DUS4L: variants seen among roughly 807,000 people sequenced by gnomAD.
The protein encoded by DUS4L is tRNA-dihydrouridine(20a/20b) synthase [NAD(P)+]-like.
DUS4L carries 31 observed loss-of-function variants against 33.8 expected under a neutral mutation model. The ratio of observed to expected loss-of-function variants is 0.92; its 90% CI spans 0.69 to 1.24. The LOEUF (loss-of-function observed/expected upper bound fraction) is 1.24, where lower values mean the gene tolerates loss of function less well. Ranked by LOEUF, DUS4L falls within the 50% of genes most tolerant of loss-of-function variation. The probability of loss-of-function intolerance (pLI) is 0.00; values close to 1 mark genes in which losing one functional copy is unlikely to be tolerated. For synonymous variants in DUS4L, 103 were observed against 120.3 expected, an observed-to-expected ratio of 0.86 and a Z score of 0.94; for missense variants, 368 against 388.6, an observed-to-expected ratio of 0.95 and a Z score of 0.45.
rs1265957921 is a variant in DUS4L, at chr7:107,576,362, G to T, written c.480-4G>T. 1.9e-6 allele frequency: 3 copies of T among 1,601,120 alleles called. No individual in the cohort carries two copies. The highest frequency in any genetic ancestry group is 2.5e-6 in the Non-Finnish European group (3 of 1,176,882). ...AACAGATAAATGTAATTTTGAAATT[G>T]TAGGATCCATGATGACCTTAAAAGA... On this transcript the variant is annotated splice_region_variant and splice_polypyrimidine_tract_variant and intron_variant, in intron 6 of 7. Coordinates refer to ENST00000265720, the MANE Select transcript of DUS4L (RefSeq NM_181581.3).
intron 3 of DUS4L, among the ~76,000 whole-genome samples, chr7:107,568,903 T>C (rs1230867236): frequency 1.3e-5 from 2 of 152,254 alleles, no homozygotes; most frequent in East Asian, 1.9e-4. Flanking sequence ...AGCATCATTT[T>C]TGAAAGGCTA....
rs1276598445 is a variant in DUS4L, at chr7:107,577,475, C to T, written c.869C>T (p.Thr290Ile). 19 of 1,614,154 alleles carry T rather than the reference C, an allele frequency of 1.2e-5. No homozygotes were observed. Among genetic ancestry groups the T allele is most frequent in the Non-Finnish European group, 1.5e-5 (18 of 1,180,036 alleles). Residue 290 changes from threonine (T) to isoleucine (I), a missense_variant, in exon 8 of 8, where the codon ACT (threonine) becomes ATT (isoleucine). Physicochemically the swap from Thr to Ile is moderately conservative, Grantham distance 89. Transcript: ENST00000265720. The part of the protein sequence containing the change: ...QHLMYMMEKI[T>I]SRQEKRVFNA... ...TTAATGTACATGATGGAAAAGATAA[C>T]TTCAAGGCAGGAAAAAAGGGTATTT...
chr7:107,573,673 A>T, intron 4 of DUS4L, 31 bp from the exon 5 acceptor site: 1 of 1,592,086 alleles, frequency 6.3e-7, no homozygotes, highest in Non-Finnish European at 8.5e-7. Context: ...TTTTCCTGTG[A>T]ATTTTAATGT....
intron 4 of DUS4L, among the ~76,000 whole-genome samples, chr7:107,573,451 G>A (rs995215851): frequency 6.6e-5 from 10 of 152,202 alleles, no homozygotes; most frequent in African/African-American, 2.4e-4. Context: ...CCTTTGAGAA[G>A]AGGGTCTATT....
rs1349078976 is a variant in DUS4L, at chr7:107,577,230, A to G, written c.707-83A>G. ...AACCTTGTGATAATACTTTTTAAAAATATACTGTTTGCTTCATTGAGCTTG... is the reference window on the plus strand; with the variant it reads ...AACCTTGTGATAATACTTTTTAAAAGTATACTGTTTGCTTCATTGAGCTTG... On this transcript the variant is annotated intron_variant, in intron 7 of 7. Transcript: ENST00000265720. 10 of 1,545,640 alleles carry G rather than the reference A, an allele frequency of 6.5e-6. No homozygotes were observed. The East Asian group carries it at 2.0e-4, about 31-fold the overall frequency.
At position 107,571,160 on chromosome 7, in the gene DUS4L, A is replaced by G. The variant is rs771362255; in HGVS notation, c.132A>G (p.Thr44=). 1.2e-6 allele frequency: 2 copies of G among 1,613,600 alleles called. No homozygotes were observed. Among genetic ancestry groups the G allele is most frequent in the South Asian group, 1.1e-5 (1 of 90,910 alleles). Residue 44 remains threonine, a synonymous_variant, in exon 4 of 8, where the codon ACA becomes ACG. Transcript: ENST00000265720. ...ATGCTCACAGGTTGGCTTTTAGGACACTAGTAAGAAAATATAGTTGTGATC... is the reference window on the plus strand; with the variant it reads ...ATGCTCACAGGTTGGCTTTTAGGACGCTAGTAAGAAAATATAGTTGTGATC... ...MVRYSKLAFR[T]LVRKYSCDLC...
In DUS4L at chr7:107,576,264, C is replaced by G. The variant is rs1012594127; in HGVS notation, c.480-102C>G. On this transcript the variant is annotated intron_variant, in intron 6 of 7. Coordinates refer to ENST00000265720, the MANE Select transcript of DUS4L (RefSeq NM_181581.3). ...GACATAGAGTAATAATATGATATAG[C>G]AAAGCTAACTAATTTGGTAGATGAA... 2.6e-6 allele frequency: 3 copies of G among 1,164,238 alleles called. No individual in the cohort carries two copies. The African/African-American group carries it at 4.7e-5, about 18-fold the overall frequency. 72.1% of individuals were successfully genotyped at this position (1,164,238 alleles called of 1,614,324 possible). A position where few individuals can be genotyped will look rare whatever the true frequency, so the allele number is the denominator to read the frequency against.
chr7:107,570,951 C>T, intron 3 of DUS4L, 194 bp from the exon 4 acceptor site: 1 of 639,986 alleles, frequency 1.6e-6, no homozygotes, highest in Non-Finnish European at 2.4e-6. Context: ...TTTTCTTCAC[C>T]TTTCAAAATT....
Position 107,567,170 on chromosome 7 carries a change from A to G in DUS4L, c.100A>G (p.Met34Val), listed in dbSNP as rs771738749. Residue 34 changes from methionine (M) to valine (V), a missense_variant, in exon 3 of 8, where the codon ATG (methionine) becomes GTG (valine). Coordinates refer to ENST00000265720, the MANE Select transcript of DUS4L (RefSeq NM_181581.3). ...ACAGCTGGTAAAAGTCTGTGCCCCAATGGTTCGATATTCAAAGTAAGTGTT... is the reference window on the plus strand; with the variant it reads ...ACAGCTGGTAAAAGTCTGTGCCCCAGTGGTTCGATATTCAAAGTAAGTGTT... ...SGQLVKVCAP[M>V]VRYSKLAFRT... 2.0e-5 allele frequency: 32 copies of G among 1,612,406 alleles called. No homozygotes were observed. The highest frequency in any genetic ancestry group is 8.9e-5 in the East Asian group (4 of 44,802).
At position 107,577,711 on chromosome 7, in the gene DUS4L, C is replaced by T; in HGVS notation, c.*151C>T. On this transcript the variant is annotated 3_prime_UTR_variant, in exon 8 of 8. Transcript: ENST00000265720. Reference sequence around the variant, plus strand: ...TTTAAAAATCAGTTGTAGACACCACCCTCAGAGATTCTGATTAGGTAGATC... The same window carrying T: ...TTTAAAAATCAGTTGTAGACACCACTCTCAGAGATTCTGATTAGGTAGATC... The T allele has an allele frequency of 1.4e-6, 1 of 736,612 alleles. No homozygotes were observed. The highest frequency in any genetic ancestry group is 2.1e-6 in the Non-Finnish European group (1 of 473,060). 45.6% of individuals were successfully genotyped at this position (736,612 alleles called of 1,614,324 possible). A position where few individuals can be genotyped will look rare whatever the true frequency, so the allele number is the denominator to read the frequency against.
chr7:107,566,154 A>G (rs1368593999), intron 2 of DUS4L, among the ~76,000 whole-genome samples: 2 of 152,166 alleles, frequency 1.3e-5, no homozygotes, highest in Non-Finnish European at 2.9e-5. Context: ...TGACATCCTT[A>G]AGTACCTTGG....
chr7:107,565,033 C>T (rs921515575), intron 2 of DUS4L, among the ~76,000 whole-genome samples: 1 of 152,302 alleles, frequency 6.6e-6, no homozygotes, highest in African/African-American at 2.4e-5. Flanking sequence ...GCATTATGCT[C>T]TCTTTGTCTC....
Position 107,576,513 on chromosome 7 carries a change from G to T in DUS4L, c.627G>T (p.Met209Ile). The T allele has an allele frequency of 6.2e-7, 1 of 1,608,244 alleles. No homozygotes were observed. The highest frequency in any genetic ancestry group is 1.3e-5 in the African/African-American group (1 of 74,658). Residue 209 changes from methionine to isoleucine, a missense_variant, in exon 7 of 8, where the codon ATG (methionine) becomes ATT (isoleucine). Physicochemically the swap from Met to Ile is conservative, Grantham distance 10. Coordinates refer to ENST00000265720, the MANE Select transcript of DUS4L (RefSeq NM_181581.3). ...CCATTAAAATAATTAAGGAAAATAT[G>T]TCTATACCTGTAATTGCTAATGGAG... ...YDSIKIIKENMSIPVIANGDI... is the reference protein window; with the variant it reads ...YDSIKIIKENISIPVIANGDI...
Position 107,578,418 on chromosome 7 carries a change from A to G in DUS4L, c.*858A>G, listed in dbSNP as rs574292308. 6.6e-6 allele frequency: 1 copy of G among 152,328 alleles called. No individual in the cohort carries two copies. The highest frequency in any genetic ancestry group is 1.9e-4 in the East Asian group (1 of 5,180). 9.4% of individuals were successfully genotyped at this position (152,328 alleles called of 1,614,324 possible). A position where few individuals can be genotyped will look rare whatever the true frequency, so the allele number is the denominator to read the frequency against. ...GACTGAAATAAAACCGTTCATAATT[A>G]AAGTATTATTTTGTTTTGCCAACAT... On this transcript the variant is annotated 3_prime_UTR_variant, in exon 8 of 8. Coordinates refer to ENST00000265720, the MANE Select transcript of DUS4L (RefSeq NM_181581.3).
intron 1 of DUS4L, 27 bp downstream of exon 1, chr7:107,564,236 C>G (rs571107171): frequency 3.5e-6 from 2 of 579,474 alleles, no homozygotes; most frequent in African/African-American, 3.8e-5. Context: ...GGCCGCAGCG[C>G]TTATCTGTGA....
At position 107,564,059 on chromosome 7, in the gene DUS4L, G is replaced by A. The variant is rs1804290826; in HGVS notation, c.-261G>A. 4 of 1,477,778 alleles carry A rather than the reference G, an allele frequency of 2.7e-6. No individual in the cohort carries two copies. The highest frequency in any genetic ancestry group is 3.6e-6 in the Non-Finnish European group (4 of 1,102,838). 91.5% of individuals were successfully genotyped at this position (1,477,778 alleles called of 1,614,324 possible). A position where few individuals can be genotyped will look rare whatever the true frequency, so the allele number is the denominator to read the frequency against. On this transcript the variant is annotated 5_prime_UTR_variant, in exon 1 of 8. Transcript: ENST00000265720. ...GCTAAGCCTGGCTAGGAGCCGCGCA[G>A]GTACTCGAGCAGTGGGCGCCCAGGG...
intron 4 of DUS4L, among the ~76,000 whole-genome samples, chr7:107,572,677 C>T (rs957500653): frequency 1.3e-5 from 2 of 151,902 alleles, no homozygotes; most frequent in African/African-American, 4.8e-5. Context: ...TGGTGAAACC[C>T]TATCTCTACT....
chr7:107,565,774 C>G (rs996874161), intron 2 of DUS4L, among the ~76,000 whole-genome samples: 98 of 152,286 alleles, frequency 6.4e-4, no homozygotes, highest in African/African-American at 2.2e-3. Flanking sequence ...AGCCTCCCAC[C>G]TTGGCCTCCC....
At position 107,577,933 on chromosome 7, in the gene DUS4L, TA is replaced by T. The variant is rs1805903135; in HGVS notation, c.*374del. The T allele has an allele frequency of 6.4e-6, 1 of 157,198 alleles. No homozygotes were observed. The highest frequency in any genetic ancestry group is 1.4e-5 in the Non-Finnish European group (1 of 70,990). 9.7% of individuals were successfully genotyped at this position (157,198 alleles called of 1,614,324 possible). A position where few individuals can be genotyped will look rare whatever the true frequency, so the allele number is the denominator to read the frequency against. ...AATTTAATACTAAGAAATTATGGCT[TA>T]TAGTATCTATAAATTAACAAGAAGT... is the stretch of plus-strand genomic sequence containing the variant. On this transcript the variant is annotated 3_prime_UTR_variant, in exon 8 of 8. Transcript: ENST00000265720.
Sources: gnomAD v4.1 joint callset for allele counts (sites outside exome capture counted in the v4.1 genomes callset) on GRCh38, gnomAD v4.1.1 for gene constraint, MANE v1.5 for transcripts, NCBI Gene and HGNC (gene_info 2026-07-23, HGNC 2026-07-21) for gene names.